PKD1: variants seen among roughly 807,000 people sequenced by gnomAD.
PKD1 encodes the protein polycystin-1.
PKD1 carries 81 observed loss-of-function variants against 361.7 expected under a neutral mutation model. That is an observed-to-expected ratio of 0.22 (90% CI 0.19 to 0.27). The LOEUF (loss-of-function observed/expected upper bound fraction) is 0.27, where lower values mean the gene tolerates loss of function less well. PKD1 is among the 10% of genes least tolerant of loss of function. The probability of loss-of-function intolerance (pLI) is 1.00; values close to 1 mark genes in which losing one functional copy is unlikely to be tolerated. For missense variants in PKD1, 6,399 were observed against 6,118.3 expected (o/e 1.05, Z -1.53); for synonymous variants, 3,615 against 2,818.3 (o/e 1.28, Z -8.95).
chr16:2,132,755 T>C (rs1057076081), intron 1 of PKD1, among the ~76,000 whole-genome samples: 2 of 151,374 alleles, frequency 1.3e-5, no homozygotes, highest in Non-Finnish European at 2.9e-5. Flanking sequence ...CCAAAATGCT[T>C]GCAGATAAAA....
Position 2,089,671 on chromosome 16 carries a change from T to C in PKD1, c.*56A>G. 1 of 1,545,202 alleles carries C rather than the reference T, an allele frequency of 6.5e-7. No individual in the cohort carries two copies. Among genetic ancestry groups the C allele is most frequent in the Non-Finnish European group, 8.7e-7 (1 of 1,144,260 alleles). On this transcript the variant is annotated 3_prime_UTR_variant, in exon 46 of 46. Transcript: ENST00000262304. ...CCTCGGCCTTGACAGCGGCAGAAAG[T>C]AATACTGAGCGGTGTCCACTCCGAC...
intron 1 of PKD1, 153 bp downstream of exon 1, chr16:2,135,322 G>A (rs1320113735): frequency 4.1e-6 from 4 of 985,352 alleles, no homozygotes; most frequent in East Asian, 2.3e-4. Context: ...GCGGCTCCAG[G>A]CGTTCCTTAT....
At position 2,092,468 on chromosome 16, in the gene PKD1, C is replaced by T. The variant is rs371058260; in HGVS notation, c.11269+12G>A. The stretch of plus-strand genomic sequence containing the variant: ...AACGATTTAAGTCTTGGGGCACGCC[C>T]TGCCAGCTCACCTTCCTGCAGCCGC... On this transcript the variant is annotated intron_variant, in intron 39 of 45. Transcript: ENST00000262304. 5.8e-6 allele frequency: 9 copies of T among 1,561,608 alleles called. No homozygotes were observed. In the African/African-American group the frequency reaches 1.1e-4, roughly 19 times the overall value.
Position 2,109,485 on chromosome 16 carries a change from G to A in PKD1, c.5682C>T (p.Ala1894=), listed in dbSNP as rs144634185. 6.6e-3 allele frequency: 10,612 copies of A among 1,609,434 alleles called. 40 individuals carry two copies. The highest frequency in any genetic ancestry group is 8.1e-3 in the Non-Finnish European group (9,611 of 1,179,324). Residue 1894 remains alanine (A), a synonymous_variant, in exon 15 of 46, where the codon GCC becomes GCT. Coordinates refer to ENST00000262304, the MANE Select transcript of PKD1 (RefSeq NM_001009944.3). ...GCCCGGGCGCCACCACCTTGCTGCT[G>A]GCCCACAGCACCAGGCCCACGATGG... ...EEPIVGLVLW[A]SSKVVAPGQL...
chr16:2,122,803 G>C (rs867499999), intron 1 of PKD1, among the ~76,000 whole-genome samples: 1 of 152,204 alleles, frequency 6.6e-6, no homozygotes, highest in South Asian at 2.1e-4. Flanking sequence ...GTGCTGCAGA[G>C]GCCACGGTGA....
At position 2,110,072 on chromosome 16, in the gene PKD1, C is replaced by A. The variant is rs1381727097; in HGVS notation, c.5095G>T (p.Ala1699Ser). 2 of 1,609,932 alleles carry A rather than the reference C, an allele frequency of 1.2e-6. No homozygotes were observed. The highest frequency in any genetic ancestry group is 1.1e-5 in the South Asian group (1 of 90,876). ...EAGTYHVQLR[A>S]TNMLGSAWAD... ...CAGGCGCTGCCCAGCATGTTGGTGG[C>A]CCGCAGCTGCACATGGTAGGTGCCG... Residue 1699 changes from alanine (A) to serine (S), a missense_variant, in exon 15 of 46, where the codon GCC becomes TCC. Coordinates refer to ENST00000262304, the MANE Select transcript of PKD1 (RefSeq NM_001009944.3).
chr16:2,089,680 G>A lies in PKD1; in HGVS notation c.*47C>T, dbSNP rs926703768. On this transcript the variant is annotated 3_prime_UTR_variant, in exon 46 of 46. Transcript: ENST00000262304. The stretch of plus-strand genomic sequence containing the variant: ...TGACAGCGGCAGAAAGTAATACTGA[G>A]CGGTGTCCACTCCGACTCCACGGCC... 3.2e-6 allele frequency: 5 copies of A among 1,548,756 alleles called. No homozygotes were observed. The South Asian group carries it at 4.8e-5, about 15-fold the overall frequency.
chr16:2,089,886 G>A lies in PKD1; in HGVS notation c.12753C>T (p.Ser4251=), dbSNP rs1159221216. ...QQLHSLQGRR[S]SRAPAGSSRG... ...GGGAAGATCCGGCGGGCGCCCGGCT[G>A]CTCCTGCGGCCTTGCAGGCTGTGCA... is the stretch of plus-strand genomic sequence containing the variant. The change falls in exon 46 of 46, where the codon AGC becomes AGT. Residue 4251 remains serine (S), a synonymous_variant. Coordinates refer to ENST00000262304, the MANE Select transcript of PKD1 (RefSeq NM_001009944.3). 2 of 1,610,822 alleles carry A rather than the reference G, an allele frequency of 1.2e-6. No individual in the cohort carries two copies. The highest frequency in any genetic ancestry group is 1.1e-5 in the South Asian group (1 of 90,766).
Position 2,117,059 on chromosome 16 carries a change from G to A in PKD1, c.1386-6C>T. 6.5e-7 allele frequency: 1 copy of A among 1,528,632 alleles called. No individual in the cohort carries two copies. The highest frequency in any genetic ancestry group is 8.9e-7 in the Non-Finnish European group (1 of 1,125,382). The allele number at this position is 1,528,632 out of a possible 1,614,324, so 94.7% of individuals were successfully genotyped here. A position where few individuals can be genotyped will look rare whatever the true frequency, so the allele number is the denominator to read the frequency against. On this transcript the variant is annotated splice_region_variant and splice_polypyrimidine_tract_variant and intron_variant, in intron 6 of 45. Transcript: ENST00000262304. ...CGATCCACACGTCTAGGCTCCTGGG[G>A]GCGGGTGTGGGATGGCAGGGGGCTC...
chr16:2,091,902 A>G lies in PKD1; in HGVS notation c.11416T>C (p.Trp3806Arg). Residue 3806 changes from tryptophan to arginine, a missense_variant, in exon 41 of 46, where the codon TGG becomes CGG. Physicochemically the swap from Trp to Arg is moderately radical, Grantham distance 101 (BLOSUM62 -3). Transcript: ENST00000262304. ...AYSAPDLLGAWSWGSCAVYDS... is the reference protein window; with the variant it reads ...AYSAPDLLGARSWGSCAVYDS... Reference sequence around the variant, plus strand: ...TACACGGCACAGGAGCCCCAGGACCATGCCCTGCCGGAGAGGGGTGGCGTG... The same window carrying G: ...TACACGGCACAGGAGCCCCAGGACCGTGCCCTGCCGGAGAGGGGTGGCGTG... The G allele has an allele frequency of 1.2e-6, 2 of 1,611,622 alleles. No individual in the cohort carries two copies. Among genetic ancestry groups the G allele is most frequent in the Non-Finnish European group, 1.7e-6 (2 of 1,179,608 alleles).
In PKD1 at chr16:2,112,453, T is replaced by C. The variant is rs1462176916; in HGVS notation, c.3182A>G (p.Glu1061Gly). Residue 1061 changes from glutamate (E) to glycine (G), a missense_variant, in exon 14 of 46, where the codon GAG becomes GGG. By Grantham distance (98) the Glu-to-Gly change is moderately conservative (BLOSUM62 -2). Coordinates refer to ENST00000262304, the MANE Select transcript of PKD1 (RefSeq NM_001009944.3). ...AGGCTGGAACTGGTGGAGGGCCTGC[T>C]CCCCATCCCCAAAGGTCCACCTGCC... ...VAFLWTFGDG[E>G]QALHQFQPPY... The C allele has an allele frequency of 5.7e-6, 9 of 1,588,178 alleles. No homozygotes were observed. The Admixed American group carries it at 1.5e-4, about 27-fold the overall frequency.
At position 2,106,183 on chromosome 16, in the gene PKD1, G is replaced by C; in HGVS notation, c.7611C>G (p.Ala2537=). ...GTGGCCTGAAACCCGGGGGCAGCAC[G>C]GCTCCGTAGCTGGAGAGGCTGCCCT... ...VYKGSLSSYG[A]VLPPGFRPHF... Residue 2537 remains alanine, a synonymous_variant, in exon 19 of 46, where the codon GCC becomes GCG. Coordinates refer to ENST00000262304, the MANE Select transcript of PKD1 (RefSeq NM_001009944.3). The surrounding 1 kb of genome is among the most constrained non-coding windows in gnomAD (Gnocchi z 6.5). The C allele has an allele frequency of 1.2e-6, 2 of 1,609,792 alleles. No homozygotes were observed. Among genetic ancestry groups the C allele is most frequent in the Non-Finnish European group, 1.7e-6 (2 of 1,179,250 alleles).
chr16:2,114,040 T>C, intron 11 of PKD1, 130 bp downstream of exon 11: 2 of 804,778 alleles, frequency 2.5e-6, no homozygotes, highest in East Asian at 2.7e-5. Context: ...CAGCAGGACC[T>C]GCCCGGGGCC....
rs757771138 is a variant in PKD1 at position 2,100,045 on chromosome 16, G to A, written c.9739C>T (p.Arg3247Cys). The A allele has an allele frequency of 1.1e-5, 18 of 1,588,048 alleles. No individual in the cohort carries two copies. Among genetic ancestry groups the A allele is most frequent in the East Asian group, 6.9e-5 (3 of 43,432 alleles). Residue 3247 changes from arginine to cysteine, a missense_variant, in exon 29 of 46, where the codon CGC becomes TGC. Arg to Cys is a radical substitution (Grantham distance 180, BLOSUM62 -3). Coordinates refer to ENST00000262304, the MANE Select transcript of PKD1 (RefSeq NM_001009944.3). The surrounding 1 kb of genome is among the most constrained non-coding windows in gnomAD (Gnocchi z 4.4). ...ASDAALLRFR[R>C]LLVAELQRGF... Reference sequence around the variant, plus strand: ...CGCTGCAGCTCAGCCACCAGCAGGCGCCGGAAGCGCAAAAGGGCTGCGTCG... The same window carrying A: ...CGCTGCAGCTCAGCCACCAGCAGGCACCGGAAGCGCAAAAGGGCTGCGTCG...
At chr16:2,102,708 C>T (rs1001168245) in intron 24 of PKD1, 75 bp from the exon 25 acceptor site, 25 of 1,606,590 alleles carry the variant, frequency 1.6e-5, no homozygotes, top group Admixed American at 6.7e-5. Context: ...AGCCCATACC[C>T]GGTCCAGTCC....
In PKD1 at chr16:2,109,530, G is replaced by A. The variant is rs2092447380; in HGVS notation, c.5637C>T (p.Tyr1879=). 6.2e-7 allele frequency: 1 copy of A among 1,611,156 alleles called. No homozygotes were observed. Among genetic ancestry groups the A allele is most frequent in the Non-Finnish European group, 8.5e-7 (1 of 1,179,456 alleles). The change falls in exon 15 of 46, where the codon TAC becomes TAT. Residue 1879 remains tyrosine (Y), a synonymous_variant. Transcript: ENST00000262304. ...SNAVSWVSAT[Y]NLTAEEPIVG... ...CGATGGGCTCCTCCGCCGTGAGGTT[G>A]TACGTGGCTGAGACCCAGCTGACTG... is the stretch of plus-strand genomic sequence containing the variant.
chr16:2,107,362 C>A, intron 16 of PKD1: 1 of 370,944 alleles, frequency 2.7e-6, no homozygotes, highest in East Asian at 6.7e-5. Flanking sequence ...AACCTGCTCC[C>A]ACACCCTCCC....
At chr16:2,116,408 C>T (rs1209411462) in intron 8 of PKD1, 121 bp downstream of exon 8, 4 of 641,160 alleles carry the variant, frequency 6.2e-6, no homozygotes, top group Non-Finnish European at 1.1e-5. Flanking sequence ...CAACCATCTT[C>T]ACTGGGCACA....
In PKD1 at chr16:2,106,587, G is replaced by A. The variant is rs151257298; in HGVS notation, c.7300C>T (p.Arg2434Trp). 6.3e-7 allele frequency: 1 copy of A among 1,597,728 alleles called. No homozygotes were observed. The change falls in exon 18 of 46, where the codon CGG (arginine) becomes TGG (tryptophan). Residue 2434 changes from arginine (R) to tryptophan (W), a missense_variant. Coordinates refer to ENST00000262304, the MANE Select transcript of PKD1 (RefSeq NM_001009944.3). The surrounding 1 kb of genome is among the most constrained non-coding windows in gnomAD (Gnocchi z 6.5). Reference protein sequence around the residue: ...TGSAGMRLVLRRGVLRDGEGY... With the variant: ...TGSAGMRLVLWRGVLRDGEGY... ...TCGCCGTCCCGCAGCACGCCCCGCC[G>A]CAGCACCAGTCGCATGCCTGCACTG...
Sources: allele counts gnomAD v4.1 joint callset (sites outside exome capture counted in the v4.1 genomes callset), GRCh38; gene constraint gnomAD v4.1.1; non-coding constraint Gnocchi (gnomAD v3.1); transcripts MANE v1.5; gene names NCBI Gene and HGNC (gene_info 2026-07-23, HGNC 2026-07-21).